AFG3L2: variants seen among roughly 807,000 people sequenced by gnomAD.
AFG3L2 encodes the protein mitochondrial inner membrane m-AAA protease component AFG3L2.
A neutral mutation model predicts 94.5 loss-of-function variants in AFG3L2; 54 were observed. The observed-to-expected ratio is 0.57, with a 90% confidence interval of 0.46 to 0.72. The LOEUF is 0.72. AFG3L2 is among the 30% of genes least tolerant of loss of function. The probability of loss-of-function intolerance (pLI) is 0.00; values close to 1 mark genes in which losing one functional copy is unlikely to be tolerated. For missense variants in AFG3L2, 754 were observed against 994.9 expected (o/e 0.76, Z 3.26); for synonymous variants, 377 against 365.5 (o/e 1.03, Z -0.36).
At chr18:12,370,490 T>A (rs1462930997) in intron 3 of AFG3L2, among the ~76,000 whole-genome samples, 1 of 141,358 alleles carries the variant, frequency 7.1e-6, no homozygotes, top group East Asian at 2.1e-4. Context: ...CTTTTTTTTT[T>A]GAGACAGGGT....
chr18:12,352,334 ATC>A lies in AFG3L2; in HGVS notation c.1318+669_1318+670del, dbSNP rs530808610. The stretch of plus-strand genomic sequence containing the variant: ...TTATTCTGCCCCTATGCCTGGCTTC[ATC>A]ATTGAAGCCAGTTCAGTACTGGCAC... On this transcript the variant is annotated intron_variant, in intron 10 of 16. Coordinates refer to ENST00000269143, the MANE Select transcript of AFG3L2 (RefSeq NM_006796.3). Among the ~76,000 whole-genome samples the A allele has an allele frequency of 4.1e-3, 619 of 152,274 alleles. 3 individuals carry two copies. The highest frequency in any genetic ancestry group is 6.5e-3 in the Non-Finnish European group (439 of 68,004).
Position 12,371,470 on chromosome 18 carries a change from A to C in AFG3L2, c.214+122T>G, listed in dbSNP as rs536327638. 4.5e-5 allele frequency: 35 copies of C among 783,048 alleles called. 1 individual carries two copies. The highest frequency in any genetic ancestry group is 3.8e-4 in the South Asian group (26 of 68,038). The allele number at this position is 783,048 out of a possible 1,614,324, so 48.5% of individuals were successfully genotyped here. ...ATTATCTACAAATGTGTTACATTTG[A>C]AGATGACATATCTTCATCGCTGTAA... On this transcript the variant is annotated intron_variant, in intron 2 of 16. Coordinates refer to ENST00000269143, the MANE Select transcript of AFG3L2 (RefSeq NM_006796.3).
chr18:12,350,833 A>C (rs192222351), intron 12 of AFG3L2, among the ~76,000 whole-genome samples: 78 of 152,324 alleles, frequency 5.1e-4, no homozygotes, highest in Admixed American at 2.6e-3. Context: ...CTGTAGTCCC[A>C]GCTACAAACA....
At chr18:12,344,280 T>A in intron 13 of AFG3L2, 33 bp from the exon 14 acceptor site, 1 of 1,543,588 alleles carries the variant, frequency 6.5e-7, no homozygotes, top group Non-Finnish European at 9.0e-7. Flanking sequence ...ACCCAAGCCA[T>A]TGTTACAGTG....
intron 9 of AFG3L2, among the ~76,000 whole-genome samples, chr18:12,354,208 C>G (rs1024362382): frequency 1.4e-5 from 2 of 147,374 alleles, no homozygotes; most frequent in Non-Finnish European, 3.0e-5. Flanking sequence ...TCCTACACTG[C>G]TCTGAACACA....
chr18:12,330,685 G>A (rs1224495356), intron 16 of AFG3L2, among the ~76,000 whole-genome samples: 1 of 152,032 alleles, frequency 6.6e-6, no homozygotes, highest in African/African-American at 2.4e-5. Context: ...GGCCGAGGCA[G>A]GAGAATGGCT....
In AFG3L2 at chr18:12,377,177, G is replaced by C; in HGVS notation, c.-95C>G. On this transcript the variant is annotated 5_prime_UTR_variant, in exon 1 of 17. Transcript: ENST00000269143. The stretch of plus-strand genomic sequence containing the variant: ...GGAAGCGGGCTCGGCTCGGGGAAAG[G>C]CCGCCAGGCAGCGAAGCGCGCCGGC... 5 of 1,005,234 alleles carry C rather than the reference G, an allele frequency of 5.0e-6. No homozygotes were observed. The highest frequency in any genetic ancestry group is 7.0e-6 in the Non-Finnish European group (5 of 713,896). 62.3% of individuals were successfully genotyped at this position (1,005,234 alleles called of 1,614,324 possible).
chr18:12,350,852 A>G lies in AFG3L2; in HGVS notation c.1552+233T>C, dbSNP rs146558915. On this transcript the variant is annotated intron_variant, in intron 12 of 16. Transcript: ENST00000269143. ...AGTCCCAGCTACAAACAAGGCTGAG[A>G]CAGGAGGATCACTTGAGCCCAGAAG... 9.6e-4 allele frequency among the ~76,000 whole-genome samples: 146 copies of G among 152,258 alleles called. 1 individual carries two copies. Among genetic ancestry groups the G allele is most frequent in the African/African-American group, 3.4e-3 (142 of 41,546 alleles).
chr18:12,358,313 C>T (rs962798760), intron 8 of AFG3L2, among the ~76,000 whole-genome samples: 1 of 152,198 alleles, frequency 6.6e-6, no homozygotes, highest in Non-Finnish European at 1.5e-5. Flanking sequence ...CCACATACAT[C>T]CCTCGAAGGG....
Position 12,377,153 on chromosome 18 carries a change from G to T in AFG3L2, c.-71C>A. ...GGCAGGCGACGACTGGCGGCCTCGG[G>T]AAGCGGGCTCGGCTCGGGGAAAGGC... is the stretch of plus-strand genomic sequence containing the variant. On this transcript the variant is annotated 5_prime_UTR_variant, in exon 1 of 17. Coordinates refer to ENST00000269143, the MANE Select transcript of AFG3L2 (RefSeq NM_006796.3). 1 of 1,203,354 alleles carries T rather than the reference G, an allele frequency of 8.3e-7. No individual in the cohort carries two copies. The highest frequency in any genetic ancestry group is 1.1e-6 in the Non-Finnish European group (1 of 901,978). The allele number at this position is 1,203,354 out of a possible 1,614,324, so 74.5% of individuals were successfully genotyped here.
intron 10 of AFG3L2, 127 bp from the exon 11 acceptor site, chr18:12,351,540 G>GTT: frequency 1.2e-6 from 1 of 811,852 alleles, no homozygotes; most frequent in Non-Finnish European, 2.0e-6. Context: ...TCATTATCTA[G>GTT]TGTTTTTTGT....
rs1012741505 is a variant in AFG3L2 at position 12,339,615 on chromosome 18, G to C, written c.1980+586C>G. Among the ~76,000 whole-genome samples, 5 of 151,112 alleles carry C rather than the reference G, an allele frequency of 3.3e-5. No individual in the cohort carries two copies. In the Admixed American group the frequency reaches 3.3e-4, roughly 10 times the overall value. On this transcript the variant is annotated intron_variant, in intron 15 of 16. Coordinates refer to ENST00000269143, the MANE Select transcript of AFG3L2 (RefSeq NM_006796.3). Reference sequence around the variant, plus strand: ...TCACGCCTGTAATCCCAGCACTTTGGGAGGCTGGAGGATCACAAGGTCAGG... The same window carrying C: ...TCACGCCTGTAATCCCAGCACTTTGCGAGGCTGGAGGATCACAAGGTCAGG...
intron 10 of AFG3L2, 21 bp from the exon 11 acceptor site, chr18:12,351,434 A>G: frequency 6.2e-7 from 1 of 1,605,208 alleles, no homozygotes; most frequent in Non-Finnish European, 8.5e-7. Flanking sequence ...ACAAAAATGC[A>G]AACACTATTA....
At chr18:12,354,723 C>T (rs1031522571) in intron 9 of AFG3L2, among the ~76,000 whole-genome samples, 1 of 152,132 alleles carries the variant, frequency 6.6e-6, no homozygotes, top group East Asian at 1.9e-4. Context: ...AGGTATCTCA[C>T]GCCAACTCTT....
intron 8 of AFG3L2, among the ~76,000 whole-genome samples, chr18:12,358,423 G>A (rs1908558808): frequency 6.6e-6 from 1 of 152,196 alleles, no homozygotes; most frequent in African/African-American, 2.4e-5. Flanking sequence ...GGAAAAGGAA[G>A]ACGAATCAAG....
At chr18:12,353,514 CAAAA>C (rs71172076) in intron 9 of AFG3L2, among the ~76,000 whole-genome samples, 1 of 81,060 alleles carries the variant, frequency 1.2e-5, no homozygotes, top group Non-Finnish European at 2.4e-5. Context: ...AATTCTGTCT[CAAAA>C]AAAAAAAAAA....
intron 10 of AFG3L2, among the ~76,000 whole-genome samples, chr18:12,352,012 A>T (rs1407611907): frequency 6.6e-6 from 1 of 152,236 alleles, no homozygotes; most frequent in East Asian, 1.9e-4. Context: ...TGTCAATTTT[A>T]AAAATGTCTT....
At chr18:12,375,885 A>G (rs1568148923) in intron 1 of AFG3L2, among the ~76,000 whole-genome samples, 1 of 152,086 alleles carries the variant, frequency 6.6e-6, no homozygotes, top group Non-Finnish European at 1.5e-5. Context: ...GATACTCCGG[A>G]GGCTGAGGCG....
intron 10 of AFG3L2, 55 bp downstream of exon 10, chr18:12,352,950 T>A: frequency 1.9e-6 from 3 of 1,599,214 alleles, no homozygotes; most frequent in South Asian, 1.1e-5. Flanking sequence ...TCAGACTCCA[T>A]CTCAAAAAAA....
Sources: allele counts gnomAD v4.1 joint callset (sites outside exome capture counted in the v4.1 genomes callset), GRCh38; gene constraint gnomAD v4.1.1; transcripts MANE v1.5; gene names NCBI Gene and HGNC (gene_info 2026-07-23, HGNC 2026-07-21).